The following GABRA5 variants were observed in gnomAD, a reference collection of about 807,000 sequenced individuals.
GABRA5 encodes the protein gamma-aminobutyric acid type A receptor subunit alpha5, also known as gamma-aminobutyric acid receptor subunit alpha-5.
Under a neutral mutation model 47.3 loss-of-function variants are expected in GABRA5, and 18 were observed. That is an observed-to-expected ratio of 0.38 (90% CI 0.26 to 0.56). The LOEUF (loss-of-function observed/expected upper bound fraction) is 0.56. Among genes scored for constraint, GABRA5 ranks in the 20% least tolerant of loss-of-function variants. The pLI is 0.71. For synonymous variants in GABRA5, 237 were observed against 229.3 expected (o/e 1.03, Z -0.30); for missense variants, 365 against 599.3 (o/e 0.61, Z 4.08).
chr15:26,869,535 C>A (rs1312941128), intron 3 of GABRA5, among the ~76,000 whole-genome samples: 1 of 152,154 alleles, frequency 6.6e-6, no homozygotes, highest in East Asian at 1.9e-4. Flanking sequence ...CACGTGGGGT[C>A]TCTGAAGTGA....
chr15:26,896,955 A>T (rs1223753001), intron 6 of GABRA5, among the ~76,000 whole-genome samples: 1 of 9,044 alleles, frequency 1.1e-4, no homozygotes, highest in African/African-American at 1.6e-4. Flanking sequence ...TACATCTTAC[A>T]GATGTAGAGA....
chr15:26,891,847 A>AAAGTGAGCC (rs1893014211), intron 6 of GABRA5, among the ~76,000 whole-genome samples: 4 of 152,198 alleles, frequency 2.6e-5, no homozygotes, highest in Non-Finnish European at 4.4e-5. Context: ...CCAGCGGGGA[A>AAAGTGAGCC]AAGTGAGCCA....
Position 26,914,817 on chromosome 15 carries a change from C to T in GABRA5, c.512C>T (p.Ala171Val). The change falls in exon 7 of 11, where the codon GCA (alanine) becomes GTA (valine). Residue 171 changes from alanine to valine, a missense_variant. Ala to Val is a moderately conservative substitution (Grantham distance 64). Coordinates refer to ENST00000335625, the MANE Select transcript of GABRA5 (RefSeq NM_000810.4). ...TTATTTTTCAGCTTGACCATCTCTG[C>T]AGAGTGCCCCATGCAGCTTGAGGAC... ...LLYTMRLTISAECPMQLEDFP... is the reference protein window; with the variant it reads ...LLYTMRLTISVECPMQLEDFP... The T allele has an allele frequency of 6.2e-7, 1 of 1,613,848 alleles. No homozygotes were observed. The highest frequency in any genetic ancestry group is 1.1e-5 in the South Asian group (1 of 91,078).
rs1186679926 is a variant in GABRA5 at position 26,947,815 on chromosome 15, G to A, written c.1090-119G>A. The stretch of plus-strand genomic sequence containing the variant: ...TACCTGGCGACATCAGTGGAGGAGG[G>A]CCCTCTCCCAGGCTAAACAGGTGTT... On this transcript the variant is annotated intron_variant, in intron 10 of 10. Transcript: ENST00000335625. 4 of 844,658 alleles carry A rather than the reference G, an allele frequency of 4.7e-6. No individual in the cohort carries two copies. The East Asian group carries it at 8.0e-5, about 17-fold the overall frequency. 52.3% of individuals were successfully genotyped at this position (844,658 alleles called of 1,614,324 possible).
rs74006529 is a variant in GABRA5, at chr15:26,883,105, A to C, written c.209-61A>C. The C allele has an allele frequency of 7.3e-7, 1 of 1,362,748 alleles. No individual in the cohort carries two copies. The highest frequency in any genetic ancestry group is 1.1e-6 in the Non-Finnish European group (1 of 950,700). 84.4% of individuals were successfully genotyped at this position (1,362,748 alleles called of 1,614,324 possible). A position where few individuals can be genotyped will look rare whatever the true frequency, so the allele number is the denominator to read the frequency against. On this transcript the variant is annotated intron_variant, in intron 4 of 10. Transcript: ENST00000335625. This position sits in a 1 kb window ranked among gnomAD's most constrained non-coding sequence, Gnocchi z 4.8. The stretch of plus-strand genomic sequence containing the variant: ...CCCTGGTTACTGGACTGAGAGCACG[A>C]GAGTGTGCCAGACGCGCAGGGTGGG...
At chr15:26,869,472 T>G (rs1892409475) in intron 3 of GABRA5, 138 bp downstream of exon 3, 2 of 640,980 alleles carry the variant, frequency 3.1e-6, no homozygotes, top group Admixed American at 4.7e-5. Context: ...TTGTTGTAAA[T>G]AAATGAAGTC....
intron 7 of GABRA5, among the ~76,000 whole-genome samples, chr15:26,936,422 G>C (rs1894246199): frequency 1.3e-5 from 2 of 152,154 alleles, no homozygotes; most frequent in Admixed American, 1.3e-4. Flanking sequence ...CAAGCCAGCA[G>C]TGGTGAGTGG....
rs767604007 is a variant in GABRA5 at position 26,883,540 on chromosome 15, C to T, written c.480C>T (p.Thr160=). 3.1e-6 allele frequency: 5 copies of T among 1,612,256 alleles called. No homozygotes were observed. The African/African-American group carries it at 6.7e-5, about 22-fold the overall frequency. Residue 160 remains threonine, a synonymous_variant, in exon 6 of 11, where the codon ACC becomes ACT. Coordinates refer to ENST00000335625, the MANE Select transcript of GABRA5 (RefSeq NM_000810.4). The surrounding 1 kb of genome is among the most constrained non-coding windows in gnomAD (Gnocchi z 4.8). ...NKLLRLEDDG[T]LLYTMRLTIS... is the part of the protein sequence containing the mutation. ...TGCTGCGGCTGGAGGACGACGGCAC[C>T]CTGCTCTACACCATGCGGTGAGCGC...
intron 6 of GABRA5, among the ~76,000 whole-genome samples, chr15:26,885,691 C>A (rs964831231): frequency 3.3e-5 from 5 of 152,128 alleles, no homozygotes; most frequent in Non-Finnish European, 7.3e-5. Context: ...AGAAATATTT[C>A]AAGGGTTGAG....
intron 7 of GABRA5, among the ~76,000 whole-genome samples, chr15:26,927,051 A>G (rs565725878): frequency 2.0e-5 from 3 of 152,204 alleles, no homozygotes; most frequent in Non-Finnish European, 4.4e-5. Flanking sequence ...GTGCTCCTTG[A>G]ACTCAGTAGG....
At chr15:26,873,674 T>A (rs2140244538) in intron 3 of GABRA5, among the ~76,000 whole-genome samples, 1 of 152,322 alleles carries the variant, frequency 6.6e-6, no homozygotes, top group African/African-American at 2.4e-5. Context: ...TCATGATATC[T>A]TTTTAAATGG....
chr15:26,931,259 C>T (rs1157945728), intron 7 of GABRA5, among the ~76,000 whole-genome samples: 1 of 152,116 alleles, frequency 6.6e-6, no homozygotes, highest in Non-Finnish European at 1.5e-5. Context: ...TTGGGTAGCT[C>T]ATACATAACA....
intron 7 of GABRA5, among the ~76,000 whole-genome samples, chr15:26,921,703 T>A (rs1893847328): frequency 6.6e-6 from 1 of 152,154 alleles, no homozygotes; most frequent in African/African-American, 2.4e-5. Context: ...GATTTGAGAC[T>A]TTTTTCCCTT....
At chr15:26,917,182 A>G (rs561536502) in intron 7 of GABRA5, among the ~76,000 whole-genome samples, 1 of 152,186 alleles carries the variant, frequency 6.6e-6, no homozygotes, top group African/African-American at 2.4e-5. Flanking sequence ...TCAGTTTTTC[A>G]CCATTGACTA....
intron 7 of GABRA5, among the ~76,000 whole-genome samples, chr15:26,925,270 CT>C (rs1893933603): frequency 6.6e-6 from 1 of 151,842 alleles, no homozygotes. Flanking sequence ...TGTACTACAC[CT>C]TTTGGTATAA....
chr15:26,914,785 T>C lies in GABRA5; in HGVS notation c.498-18T>C. ...GAGTGAGAGAGTCGTTCAAAGGTCT[T>C]CATCTTTTATTTTTCAGCTTGACCA... On this transcript the variant is annotated intron_variant, in intron 6 of 10. Transcript: ENST00000335625. 1.9e-6 allele frequency: 3 copies of C among 1,606,238 alleles called. No homozygotes were observed. In the South Asian group the frequency reaches 3.3e-5, roughly 18 times the overall value.
intron 7 of GABRA5, among the ~76,000 whole-genome samples, chr15:26,928,217 C>T (rs148141894): frequency 0.01 from 1,577 of 152,194 alleles, 23 homozygotes; most frequent in African/African-American, 0.035. Flanking sequence ...TGAATTTCAC[C>T]GGAGTGAGCT....
At chr15:26,923,043 A>G (rs1893879753) in intron 7 of GABRA5, among the ~76,000 whole-genome samples, 1 of 152,196 alleles carries the variant, frequency 6.6e-6, no homozygotes, top group South Asian at 2.1e-4. Flanking sequence ...CCTAATCTTA[A>G]CACAGTTGTC....
Position 26,872,948 on chromosome 15 carries a change from T to A in GABRA5, c.86+3614T>A, listed in dbSNP as rs192611136. ...AGTGTTCTTCTCCTTCTCTTGATCA[T>A]ATTCTAAATTTGATTGGAGTCACCA... is the stretch of plus-strand genomic sequence containing the variant. On this transcript the variant is annotated intron_variant, in intron 3 of 10. Transcript: ENST00000335625. Among the ~76,000 whole-genome samples the A allele has an allele frequency of 7.9e-5, 12 of 152,344 alleles. 1 individual carries two copies. The highest frequency in any genetic ancestry group is 2.9e-4 in the African/African-American group (12 of 41,586).
Sources: gnomAD v4.1 joint callset for allele counts (sites outside exome capture counted in the v4.1 genomes callset) on GRCh38, gnomAD v4.1.1 for gene constraint, Gnocchi (gnomAD v3.1) non-coding constraint, MANE v1.5 for transcripts, NCBI Gene and HGNC (gene_info 2026-07-23, HGNC 2026-07-21) for gene names.